NMNAT2: variants seen among roughly 807,000 people sequenced by gnomAD.
NMNAT2 encodes the protein nicotinamide/nicotinic acid mononucleotide adenylyltransferase 2.
A neutral mutation model predicts 41.6 loss-of-function variants in NMNAT2; 11 were observed. The ratio of observed to expected loss-of-function variants is 0.26; its 90% CI spans 0.17 to 0.44. The LOEUF is 0.44. NMNAT2 is among the 20% of genes least tolerant of loss of function. The pLI is 1.00. For synonymous variants in NMNAT2, 148 were observed against 151.2 expected, an observed-to-expected ratio of 0.98 and a Z score of 0.16; for missense variants, 288 against 407.7, an observed-to-expected ratio of 0.71 and a Z score of 2.53.
chr1:183,358,623 G>C (rs573711029), intron 1 of NMNAT2, among the ~76,000 whole-genome samples: 1 of 152,100 alleles, frequency 6.6e-6, no homozygotes, highest in African/African-American at 2.4e-5. Flanking sequence ...TAAGCCAGAC[G>C]GGAAAGGGAG....
intron 8 of NMNAT2, among the ~76,000 whole-genome samples, chr1:183,277,653 T>C (rs1571568134): frequency 1.3e-5 from 2 of 152,130 alleles, no homozygotes; most frequent in South Asian, 2.1e-4. Flanking sequence ...GACACATAAA[T>C]GTACACGAAC....
chr1:183,269,886 C>CT (rs879768366), intron 8 of NMNAT2, among the ~76,000 whole-genome samples: 52 of 148,112 alleles, frequency 3.5e-4, no homozygotes, highest in Middle Eastern at 3.5e-3. Context: ...TGACTTGAAA[C>CT]TTTTTTTTTT....
At chr1:183,357,119 G>A (rs1200039078) in intron 1 of NMNAT2, among the ~76,000 whole-genome samples, 1 of 151,840 alleles carries the variant, frequency 6.6e-6, no homozygotes, top group South Asian at 2.1e-4. Flanking sequence ...TGTGGAGAAC[G>A]TTGGTGAGGT....
intron 1 of NMNAT2, among the ~76,000 whole-genome samples, chr1:183,347,153 G>A (rs1000562512): frequency 1.3e-5 from 2 of 152,130 alleles, no homozygotes; most frequent in East Asian, 1.9e-4. Flanking sequence ...CTGTGAAAGG[G>A]GATAATGATA....
intron 1 of NMNAT2, among the ~76,000 whole-genome samples, chr1:183,345,832 A>G (rs867786000): frequency 7.3e-5 from 11 of 151,606 alleles, no homozygotes; most frequent in East Asian, 3.9e-4. Flanking sequence ...GACTACAGGC[A>G]CCCGCCACCA....
intron 1 of NMNAT2, among the ~76,000 whole-genome samples, chr1:183,354,275 G>T (rs1486575201): frequency 6.6e-6 from 1 of 152,058 alleles, no homozygotes; most frequent in Non-Finnish European, 1.5e-5. Flanking sequence ...GAGAGAGGAG[G>T]AAGGACAATG....
At chr1:183,329,796 C>T (rs1662542387) in intron 1 of NMNAT2, among the ~76,000 whole-genome samples, 1 of 152,206 alleles carries the variant, frequency 6.6e-6, no homozygotes, top group Non-Finnish European at 1.5e-5. Flanking sequence ...GCATTGCAAG[C>T]ATCCGGTGTT....
intron 1 of NMNAT2, among the ~76,000 whole-genome samples, chr1:183,415,584 C>T (rs1649230931): frequency 6.6e-6 from 1 of 152,218 alleles, no homozygotes; most frequent in South Asian, 2.1e-4. Context: ...ACATGAGGCT[C>T]AAGTCTCAGT....
intron 2 of NMNAT2, among the ~76,000 whole-genome samples, chr1:183,293,493 C>G (rs1294503144): frequency 6.6e-6 from 1 of 152,216 alleles, no homozygotes; most frequent in African/African-American, 2.4e-5. Context: ...TCATGGACAG[C>G]TGGTCTTTCC....
chr1:183,386,291 C>A (rs1229227216), intron 1 of NMNAT2, among the ~76,000 whole-genome samples: 1 of 151,628 alleles, frequency 6.6e-6, no homozygotes, highest in East Asian at 1.9e-4. Context: ...GTAAGGTGTC[C>A]CCCACCAAAA....
intron 8 of NMNAT2, among the ~76,000 whole-genome samples, chr1:183,271,986 T>C (rs1660998535): frequency 6.6e-6 from 1 of 152,108 alleles, no homozygotes; most frequent in Admixed American, 6.6e-5. Flanking sequence ...CTCCTGACCT[T>C]AGGTGATCCA....
At chr1:183,358,627 A>C (rs1663246201) in intron 1 of NMNAT2, among the ~76,000 whole-genome samples, 2 of 152,180 alleles carry the variant, frequency 1.3e-5, no homozygotes, top group Non-Finnish European at 2.9e-5. Context: ...CCAGACGGGA[A>C]AGGGAGAGCG....
At chr1:183,301,432 C>T (rs1661849875) in intron 1 of NMNAT2, among the ~76,000 whole-genome samples, 2 of 152,262 alleles carry the variant, frequency 1.3e-5, no homozygotes, top group Admixed American at 1.3e-4. Flanking sequence ...GTAGCTATGG[C>T]CCTGGAATTT....
chr1:183,336,975 A>G (rs562182359), intron 1 of NMNAT2, among the ~76,000 whole-genome samples: 11 of 152,348 alleles, frequency 7.2e-5, no homozygotes, highest in Non-Finnish European at 1.2e-4. Flanking sequence ...ATTTCATTAA[A>G]CTAAAGGTCA....
chr1:183,309,004 A>T (rs1662053367), intron 1 of NMNAT2, among the ~76,000 whole-genome samples: 1 of 152,166 alleles, frequency 6.6e-6, no homozygotes, highest in Non-Finnish European at 1.5e-5. Context: ...TTGAGATTTT[A>T]TTCAAAGCCT....
At position 183,296,712 on chromosome 1, in the gene NMNAT2, C is replaced by T. The variant is rs7523583; in HGVS notation, c.86-2919G>A. On this transcript the variant is annotated intron_variant, in intron 1 of 10. Coordinates refer to ENST00000287713, the MANE Select transcript of NMNAT2 (RefSeq NM_015039.4). ...ATTTTTTAGTAGAGATGGGGTTTCA[C>T]CATGTTAGCCAGGCTGGTCTTGAAC... 5.3e-3 allele frequency among the ~76,000 whole-genome samples: 810 copies of T among 152,164 alleles called. 6 individuals carry two copies. Among genetic ancestry groups the T allele is most frequent in the African/African-American group, 0.019 (785 of 41,490 alleles).
At chr1:183,319,074 C>CA (rs1218046113) in intron 1 of NMNAT2, among the ~76,000 whole-genome samples, 1 of 152,196 alleles carries the variant, frequency 6.6e-6, no homozygotes, top group Non-Finnish European at 1.5e-5. Flanking sequence ...CCCATACCCC[C>CA]ACATACACAC....
chr1:183,357,408 T>G (rs1225193945), intron 1 of NMNAT2, among the ~76,000 whole-genome samples: 2 of 151,750 alleles, frequency 1.3e-5, no homozygotes, highest in Non-Finnish European at 2.9e-5. Context: ...TTTTTGTATT[T>G]TTAATAGAGA....
chr1:183,385,576 A>G (rs1648212252), intron 1 of NMNAT2, among the ~76,000 whole-genome samples: 1 of 152,112 alleles, frequency 6.6e-6, no homozygotes, highest in South Asian at 2.1e-4. Context: ...AAGCCATGTG[A>G]TATAAACAGA....
Sources: gnomAD v4.1 joint callset for allele counts (sites outside exome capture counted in the v4.1 genomes callset) on GRCh38, gnomAD v4.1.1 for gene constraint, MANE v1.5 for transcripts, NCBI Gene and HGNC (gene_info 2026-07-23, HGNC 2026-07-21) for gene names.